Variants in MIB2 observed in about 807,000 individuals in gnomAD.
The protein encoded by MIB2 is MIB E3 ubiquitin protein ligase 2.
In MIB2, 78 loss-of-function variants were observed where a neutral mutation model predicts 96.6. The observed-to-expected ratio is 0.81, with a 90% CI of 0.67 to 0.97. The LOEUF is 0.97. Ranked by LOEUF, MIB2 falls within the 50% of genes least tolerant of loss-of-function variation. The pLI, the probability that MIB2 is intolerant of heterozygous loss-of-function variation, is 0.00. For synonymous variants in MIB2, 820 were observed against 629.5 expected (o/e 1.30, Z -4.53); for missense variants, 1,543 against 1,424.0 (o/e 1.08, Z -1.35).
At chr1:1,615,886 C>T in intron 1 of MIB2, 3 of 1,064,974 alleles carry the variant, frequency 2.8e-6, no homozygotes, top group Non-Finnish European at 2.3e-6. Context: ...GGCCCGGGGC[C>T]AGCGGCGCTG....
intron 18 of MIB2, 35 bp downstream of exon 18, chr1:1,629,601 T>G: frequency 6.4e-7 from 1 of 1,567,692 alleles, no homozygotes; most frequent in Non-Finnish European, 8.6e-7. Context: ...GAGGCCCGGC[T>G]AGTAGGGCCG....
intron 2 of MIB2, 55 bp downstream of exon 2, chr1:1,616,669 G>A (rs2100297920): frequency 7.0e-7 from 1 of 1,423,430 alleles, no homozygotes; most frequent in South Asian, 1.3e-5. Context: ...TCCCACTTTG[G>A]GGCTCCGTGG....
intron 12 of MIB2, 29 bp from the exon 13 acceptor site, chr1:1,627,644 C>T (rs780728807): frequency 6.3e-7 from 1 of 1,579,680 alleles, no homozygotes; most frequent in South Asian, 1.1e-5. Flanking sequence ...GGCCCGGCGC[C>T]CTCCCTCTCC....
Position 1,627,134 on chromosome 1 carries a change from G to A in MIB2, c.1301G>A (p.Gly434Glu). 1.3e-6 allele frequency: 2 copies of A among 1,596,796 alleles called. No individual in the cohort carries two copies. Among genetic ancestry groups the A allele is most frequent in the Middle Eastern group, 1.7e-4 (1 of 6,026 alleles). The change falls in exon 11 of 20, where the codon GGA becomes GAA. Residue 434 changes from glycine to glutamate, a missense_variant. Physicochemically the swap from Gly to Glu is moderately conservative, Grantham distance 98. Transcript: ENST00000355826. Reference sequence around the variant, plus strand: ...CAGAAGAGTGACCCAGAGCACCCGGGAAGGCTGGTGGTGGAGGTGGCGCTG... The same window carrying A: ...CAGAAGAGTGACCCAGAGCACCCGGAAAGGCTGGTGGTGGAGGTGGCGCTG... The part of the protein sequence containing the change: ...RAQKSDPEHP[G>E]RLVVEVALGN...
At chr1:1,616,196 G>A (rs1053851161) in intron 1 of MIB2, 4 of 786,326 alleles carry the variant, frequency 5.1e-6, no homozygotes, top group Non-Finnish European at 6.2e-6. Flanking sequence ...CGCGCTCCGG[G>A]TGGGGGTGCC....
At chr1:1,623,721 G>C (rs746896809) in intron 3 of MIB2, 22 bp downstream of exon 3, 1 of 1,542,110 alleles carries the variant, frequency 6.5e-7, no homozygotes, top group South Asian at 1.2e-5. Flanking sequence ...GGGCAGGCGG[G>C]ACGGGCAGGA....
Position 1,627,091 on chromosome 1 carries a change from C to T in MIB2, c.1258C>T (p.Leu420=). ...GCCCCCAGGCTCACTGAGCGTGGCC[C>T]TGGACAAGCTTCGGGCCCAGAAGAG... ...RENKSSLSVA[L]DKLRAQKSDP... The change falls in exon 11 of 20, where the codon CTG becomes TTG. Residue 420 remains leucine, a synonymous_variant. Coordinates refer to ENST00000355826, the MANE Select transcript of MIB2 (RefSeq NM_001170687.4). The T allele has an allele frequency of 1.2e-6, 2 of 1,600,402 alleles. No individual in the cohort carries two copies. Among genetic ancestry groups the T allele is most frequent in the South Asian group, 2.2e-5 (2 of 89,496 alleles).
rs1478239818 is a variant in MIB2, at chr1:1,628,635, G to A, written c.2115G>A (p.Leu705=). Reference sequence around the variant, plus strand: ...AGGACGAGGAGGGGGACACAGCCCTGCACGTGGCGCTGCAGCGTCATCAGC... The same window carrying A: ...AGGACGAGGAGGGGGACACAGCCCTACACGTGGCGCTGCAGCGTCATCAGC... ...NAEDEEGDTA[L]HVALQRHQLL... Residue 705 remains leucine (L), a synonymous_variant, in exon 16 of 20, where the codon CTG becomes CTA. Coordinates refer to ENST00000355826, the MANE Select transcript of MIB2 (RefSeq NM_001170687.4). 5 of 1,596,126 alleles carry A rather than the reference G, an allele frequency of 3.1e-6. No individual in the cohort carries two copies. The highest frequency in any genetic ancestry group is 4.3e-6 in the Non-Finnish European group (5 of 1,174,990).
At chr1:1,616,729 A>C in intron 2 of MIB2, 115 bp downstream of exon 2, 1 of 796,384 alleles carries the variant, frequency 1.3e-6, no homozygotes, top group Non-Finnish European at 2.0e-6. Flanking sequence ...ATGCGAGTGG[A>C]GGGGAGTGGT....
At chr1:1,629,355 C>G in intron 17 of MIB2, 30 bp from the exon 18 acceptor site, 2 of 1,439,692 alleles carry the variant, frequency 1.4e-6, no homozygotes, top group Non-Finnish European at 1.8e-6. Flanking sequence ...GGCCTCCGGG[C>G]CCCTCTCAAG....
At position 1,629,572 on chromosome 1, in the gene MIB2, T is replaced by TG. The variant is rs112177324; in HGVS notation, c.2563+12dup. 6.1e-4 allele frequency: 942 copies of TG among 1,555,338 alleles called. 2 individuals carry two copies. In the African/African-American group the frequency reaches 0.012, roughly 19 times the overall value. The stretch of plus-strand genomic sequence containing the variant: ...GCACCGCACCGTGTGTGAGGGTGAG[T>TG]GGGGGGCCCCGGGGTGGGGAGGCCC... On this transcript the variant is annotated splice_region_variant and intron_variant, in intron 18 of 19. Coordinates refer to ENST00000355826, the MANE Select transcript of MIB2 (RefSeq NM_001170687.4).
chr1:1,627,225 T>C lies in MIB2; in HGVS notation c.1374+18T>C, dbSNP rs781508713. 84 of 1,610,750 alleles carry C rather than the reference T, an allele frequency of 5.2e-5. No individual in the cohort carries two copies. The highest frequency in any genetic ancestry group is 6.8e-5 in the Non-Finnish European group (80 of 1,178,966). On this transcript the variant is annotated intron_variant, in intron 11 of 19. Coordinates refer to ENST00000355826, the MANE Select transcript of MIB2 (RefSeq NM_001170687.4). ...CAGAGCAGGCAAGCTCCTGACCCCG[T>C]CCTCCCATACTGGCCAGTCTGAGAG...
In MIB2 at chr1:1,628,158, C is replaced by T. The variant is rs1557612439; in HGVS notation, c.1820C>T (p.Ala607Val). ...CAGGGTTTCACCCTGCTGCACCATG[C>T]CTCCCTCAAGGGTCACGCGCTGTGA... ...NSQGFTLLHHASLKGHALAVR... is the reference protein window; with the variant it reads ...NSQGFTLLHHVSLKGHALAVR... Residue 607 changes from alanine (A) to valine (V), a missense_variant, in exon 14 of 20, where the codon GCC (alanine) becomes GTC (valine). Coordinates refer to ENST00000355826, the MANE Select transcript of MIB2 (RefSeq NM_001170687.4). The T allele has an allele frequency of 6.2e-7, 1 of 1,613,412 alleles. No individual in the cohort carries two copies. The highest frequency in any genetic ancestry group is 1.3e-5 in the African/African-American group (1 of 75,080).
In MIB2 at chr1:1,625,381, C is replaced by A. The variant is rs1353801391; in HGVS notation, c.817C>A (p.Arg273=). The A allele has an allele frequency of 1.9e-6, 3 of 1,588,224 alleles. No individual in the cohort carries two copies. The highest frequency in any genetic ancestry group is 1.3e-5 in the African/African-American group (1 of 74,368). The change falls in exon 7 of 20, where the codon CGG becomes AGG. Residue 273 remains arginine (R), a synonymous_variant. Coordinates refer to ENST00000355826, the MANE Select transcript of MIB2 (RefSeq NM_001170687.4). This position sits in a 1 kb window ranked among gnomAD's most constrained non-coding sequence, Gnocchi z 5.0. ...VKCLLDTDVL[R]EMQEGHGGWN... ...GTGTCTGCTGGACACTGATGTCCTG[C>A]GGGAGATGCAGGAAGGCCACGGCGG...
chr1:1,629,519 C>A lies in MIB2; in HGVS notation c.2516C>A (p.Ala839Glu). The change falls in exon 18 of 20, where the codon GCG (alanine) becomes GAG (glutamate). Residue 839 changes from alanine to glutamate, a missense_variant. Physicochemically the swap from Ala to Glu is moderately radical, Grantham distance 107. Coordinates refer to ENST00000355826, the MANE Select transcript of MIB2 (RefSeq NM_001170687.4). ...GAGTGCCTGGTGTGCTCCGAGCTGG[C>A]GCTGCTGGTGCTGTTCTCGCCGTGC... The part of the protein sequence containing the change: ...AAECLVCSEL[A>E]LLVLFSPCQH... 6.5e-7 allele frequency: 1 copy of A among 1,539,270 alleles called. No individual in the cohort carries two copies.
At position 1,630,351 on chromosome 1, in the gene MIB2, G is replaced by A; in HGVS notation, c.2689G>A (p.Glu897Lys). ...CGGCCCGCCGCGCCAGCTGGTGGAG[G>A]AGCTGCAGAGCCGCTACCGGCAGAT... is the stretch of plus-strand genomic sequence containing the variant. The part of the protein sequence containing the change: ...APGPPRQLVE[E>K]LQSRYRQMEE... The change falls in exon 20 of 20, where the codon GAG becomes AAG. Residue 897 changes from glutamate to lysine, a missense_variant. By Grantham distance (56) the Glu-to-Lys change is moderately conservative. Coordinates refer to ENST00000355826, the MANE Select transcript of MIB2 (RefSeq NM_001170687.4). The A allele has an allele frequency of 6.5e-7, 1 of 1,540,140 alleles. No homozygotes were observed. The highest frequency in any genetic ancestry group is 8.7e-7 in the Non-Finnish European group (1 of 1,144,750).
intron 2 of MIB2, among the ~76,000 whole-genome samples, chr1:1,622,937 C>T (rs747516075): frequency 1.3e-5 from 2 of 152,114 alleles, no homozygotes; most frequent in Non-Finnish European, 2.9e-5. Context: ...CTGACGTTTT[C>T]GTGTGGATCA....
In MIB2 at chr1:1,629,709, G is replaced by A. The variant is rs1208876749; in HGVS notation, c.2629+5G>A. 13 of 1,587,122 alleles carry A rather than the reference G, an allele frequency of 8.2e-6. No individual in the cohort carries two copies. The highest frequency in any genetic ancestry group is 1.8e-5 in the Admixed American group (1 of 56,880). On this transcript the variant is annotated splice_donor_5th_base_variant and intron_variant, in intron 19 of 19. Coordinates refer to ENST00000355826, the MANE Select transcript of MIB2 (RefSeq NM_001170687.4). ...TCAGCAAGAAACTGCGCCCAGGTGG[G>A]TGAGGCTCTGCGCCCCCAACACGCC...
At chr1:1,629,737 CT>C in intron 19 of MIB2, 33 bp downstream of exon 19, 1 of 1,545,690 alleles carries the variant, frequency 6.5e-7, no homozygotes, top group Non-Finnish European at 8.7e-7. Context: ...AACACGCCTC[CT>C]GCTCAGCTGG....
Sources: allele counts gnomAD v4.1 joint callset (sites outside exome capture counted in the v4.1 genomes callset), GRCh38; gene constraint gnomAD v4.1.1; non-coding constraint Gnocchi (gnomAD v3.1); transcripts MANE v1.5; gene names NCBI Gene and HGNC (gene_info 2026-07-23, HGNC 2026-07-21).